PDE4D: variants seen among roughly 807,000 people sequenced by gnomAD.
PDE4D encodes the protein 3',5'-cyclic-AMP phosphodiesterase 4D.
Under a neutral mutation model 87.4 loss-of-function variants are expected in PDE4D, and 24 were observed. The observed-to-expected ratio is 0.27, with a 90% CI of 0.20 to 0.39. The LOEUF is 0.39. PDE4D is among the 10% of genes least tolerant of loss of function. The pLI, the probability that PDE4D is intolerant of heterozygous loss-of-function variation, is 1.00. For missense variants in PDE4D, 714 were observed against 1,041.0 expected, an observed-to-expected ratio of 0.69 and a Z score of 4.32; for synonymous variants, 384 against 383.2, an observed-to-expected ratio of 1.00 and a Z score of -0.02.
intron 1 of PDE4D, among the ~76,000 whole-genome samples, chr5:60,337,388 T>TATATATATATATATATACAC (rs66871903): frequency 6.7e-5 from 6 of 89,476 alleles, no homozygotes; most frequent in Non-Finnish European, 1.1e-4. Context: ...TATATATATA[T>TATATATATATATATATACAC]ACACACACAC....
At chr5:59,913,266 C>T (rs1336635865) in intron 3 of PDE4D, among the ~76,000 whole-genome samples, 1 of 152,148 alleles carries the variant, frequency 6.6e-6, no homozygotes, top group African/African-American at 2.4e-5. Flanking sequence ...TTAATCCCAA[C>T]TTAACTATGA....
chr5:60,293,724 C>G (rs12659336), intron 1 of PDE4D, among the ~76,000 whole-genome samples: 1 of 152,076 alleles, frequency 6.6e-6, no homozygotes, highest in East Asian at 1.9e-4. Context: ...TTCCTTGACT[C>G]AGCATTTTGT....
chr5:60,338,439 T>A (rs1418181649), intron 1 of PDE4D, among the ~76,000 whole-genome samples: 1 of 152,118 alleles, frequency 6.6e-6, no homozygotes, highest in Non-Finnish European at 1.5e-5. Flanking sequence ...ACACCAACAA[T>A]AAGTTCTAAC....
chr5:60,182,250 A>G lies in PDE4D; in HGVS notation c.42+3307T>C, dbSNP rs573757364. On this transcript the variant is annotated intron_variant, in intron 2 of 16. Coordinates refer to the PDE4D transcript ENST00000502484. ...TTAGACTTCAAAAATCATTGGTAAG[A>G]ATGTCCCTAACATAAAATTTAGAAA... Among the ~76,000 whole-genome samples, 112 of 152,348 alleles carry G rather than the reference A, an allele frequency of 7.4e-4. 1 individual carries two copies. Among genetic ancestry groups the G allele is most frequent in the African/African-American group, 2.4e-3 (98 of 41,564 alleles).
intron 1 of PDE4D, among the ~76,000 whole-genome samples, chr5:59,307,841 C>T (rs1339985532): frequency 1.3e-5 from 2 of 152,144 alleles, no homozygotes; most frequent in South Asian, 4.1e-4. Context: ...TACCATTTGA[C>T]CCAGCCATCC....
intron 1 of PDE4D, among the ~76,000 whole-genome samples, chr5:59,380,388 CA>C (rs10574102): frequency 0.17 from 18,277 of 108,908 alleles, 1,256 homozygotes; most frequent in East Asian, 0.3. Flanking sequence ...CAAAAGCAAT[CA>C]AAAAAAAAAA....
intron 11 of PDE4D, among the ~76,000 whole-genome samples, chr5:58,979,389 G>A (rs1446852476): frequency 6.6e-6 from 1 of 152,118 alleles, no homozygotes; most frequent in Non-Finnish European, 1.5e-5. Context: ...GGAAAGTGGT[G>A]GTGACTGTTG....
intron 3 of PDE4D, among the ~76,000 whole-genome samples, chr5:59,189,794 A>G (rs2153484005): frequency 6.6e-6 from 1 of 152,336 alleles, no homozygotes; most frequent in Non-Finnish European, 1.5e-5. Context: ...TAAGAAAAAT[A>G]TTTAAAGCTG....
Position 59,296,270 on chromosome 5 carries a change from A to G in PDE4D, c.456-80302T>C, listed in dbSNP as rs548589449. Among the ~76,000 whole-genome samples, 16 of 152,164 alleles carry G rather than the reference A, an allele frequency of 1.1e-4. No homozygotes were observed. The South Asian group carries it at 3.3e-3, about 31-fold the overall frequency. On this transcript the variant is annotated intron_variant, in intron 1 of 14. Transcript: ENST00000340635. ...TTTAATATTTTATAAGTTAATAGAT[A>G]TAATAAATAATAGTAACCATACAGT...
At chr5:60,363,657 TAGG>T (rs1760275808) in intron 1 of PDE4D, among the ~76,000 whole-genome samples, 1 of 152,186 alleles carries the variant, frequency 6.6e-6, no homozygotes, top group African/African-American at 2.4e-5. Flanking sequence ...GATACTGTGA[TAGG>T]AGAAGTGGCA....
chr5:59,376,550 G>T (rs1013753161), intron 1 of PDE4D, among the ~76,000 whole-genome samples: 1 of 152,054 alleles, frequency 6.6e-6, no homozygotes, highest in African/African-American at 2.4e-5. Context: ...CAAAAAAATA[G>T]AAAAACATTC....
Position 59,893,354 on chromosome 5 carries a change from G to T in PDE4D, c.269C>A (p.Ala90Asp). Residue 90 changes from alanine to aspartate, a missense_variant, in exon 1 of 15, where the codon GCT becomes GAT. This residue lies in a region of PDE4D where 268 missense variants were observed against 272.9 expected (regional missense o/e 0.98). Transcript: ENST00000340635. ...PLPPPPPPPG[A>D]ARGRYASSGA... ...GCTCGAGGCGTAGCGGCCGCGGGCA[G>T]CCCCGGGCGGCGGCGGGGGCGGCGG... The T allele has an allele frequency of 7.8e-7, 1 of 1,276,588 alleles. No homozygotes were observed. Among genetic ancestry groups the T allele is most frequent in the African/African-American group, 1.6e-5 (1 of 63,598 alleles). The allele number at this position is 1,276,588 out of a possible 1,614,324, so 79.1% of individuals were successfully genotyped here.
At chr5:60,412,540 C>T (rs976565020) in intron 1 of PDE4D, among the ~76,000 whole-genome samples, 4 of 152,110 alleles carry the variant, frequency 2.6e-5, no homozygotes, top group Non-Finnish European at 2.9e-5. Flanking sequence ...TTTCTCAAAT[C>T]ATCCTCGTTC....
At chr5:59,851,814 G>C (rs774068135) in intron 1 of PDE4D, among the ~76,000 whole-genome samples, 20 of 152,094 alleles carry the variant, frequency 1.3e-4, no homozygotes, top group Middle Eastern at 3.4e-3. Flanking sequence ...AGGAACACCA[G>C]TCTGTCAGTC....
chr5:59,954,809 C>T (rs1037680736), intron 3 of PDE4D, among the ~76,000 whole-genome samples: 1 of 152,092 alleles, frequency 6.6e-6, no homozygotes. Context: ...AATAAGTTCA[C>T]GTATTGAGTG....
chr5:59,610,789 G>T (rs539719011), intron 1 of PDE4D, among the ~76,000 whole-genome samples: 1 of 152,166 alleles, frequency 6.6e-6, no homozygotes, highest in Non-Finnish European at 1.5e-5. Flanking sequence ...GAGTGGTGAA[G>T]ACATGAAGTC....
intron 1 of PDE4D, among the ~76,000 whole-genome samples, chr5:60,395,745 G>A (rs1762842891): frequency 1.3e-5 from 2 of 150,566 alleles, no homozygotes; most frequent in Admixed American, 1.3e-4. Flanking sequence ...AATAAAGGGT[G>A]CCAAGATAGA....
chr5:60,135,979 C>T (rs796617572), intron 2 of PDE4D, among the ~76,000 whole-genome samples: 8 of 152,270 alleles, frequency 5.3e-5, no homozygotes, highest in African/African-American at 1.9e-4. Context: ...CTCTGAAGAA[C>T]ACACTCTGGG....
intron 1 of PDE4D, among the ~76,000 whole-genome samples, chr5:60,189,053 G>T (rs2149517037): frequency 6.6e-6 from 1 of 152,324 alleles, no homozygotes; most frequent in African/African-American, 2.4e-5. Context: ...CTGCAGAAAA[G>T]CTTTCTCCCT....
Sources: allele counts gnomAD v4.1 joint callset (sites outside exome capture counted in the v4.1 genomes callset), GRCh38; gene constraint gnomAD v4.1.1; regional missense constraint gnomAD v4.1.1; transcripts MANE v1.5; gene names NCBI Gene and HGNC (gene_info 2026-07-23, HGNC 2026-07-21).